SND1: variants seen among roughly 807,000 people sequenced by gnomAD.
SND1 encodes staphylococcal nuclease and tudor domain containing 1.
A neutral mutation model predicts 121.7 loss-of-function variants in SND1; 38 were observed. That is an observed-to-expected ratio of 0.31 (90% CI 0.24 to 0.41). The LOEUF (loss-of-function observed/expected upper bound fraction) is 0.41. Among genes scored for constraint, SND1 ranks in the 10% least tolerant of loss-of-function variants. SND1 has a pLI of 1.00. For synonymous variants in SND1, 401 were observed against 447.4 expected (o/e 0.90, Z 1.31); for missense variants, 868 against 1,184.6 (o/e 0.73, Z 3.92).
chr7:127,680,024 A>C (rs1297205599), intron 1 of SND1, among the ~76,000 whole-genome samples: 1 of 152,184 alleles, frequency 6.6e-6, no homozygotes, highest in East Asian at 1.9e-4. Context: ...GGTTTGAGAA[A>C]TAAAGGGACA....
chr7:127,653,047 G>A (rs1795149852), intron 1 of SND1, among the ~76,000 whole-genome samples: 1 of 152,086 alleles, frequency 6.6e-6, no homozygotes. Flanking sequence ...TTGTTCTCCC[G>A]TCCCTTAAAG....
intron 14 of SND1, among the ~76,000 whole-genome samples, chr7:127,912,734 G>A (rs1360447112): frequency 1.3e-5 from 2 of 152,104 alleles, no homozygotes; most frequent in Non-Finnish European, 2.9e-5. Context: ...TCTTTTAACA[G>A]GGGAAACAAT....
chr7:127,719,735 C>A (rs1429956966), intron 9 of SND1, among the ~76,000 whole-genome samples: 2 of 152,164 alleles, frequency 1.3e-5, no homozygotes, highest in Non-Finnish European at 2.9e-5. Flanking sequence ...CATTACTTTT[C>A]TGATTGCTGG....
chr7:128,069,549 A>G (rs1388698503), intron 16 of SND1, among the ~76,000 whole-genome samples: 2 of 152,194 alleles, frequency 1.3e-5, no homozygotes, highest in East Asian at 1.9e-4. Flanking sequence ...GAAATTTCAC[A>G]GTCTGGAACA....
chr7:127,783,508 T>C (rs1312724190), intron 10 of SND1, among the ~76,000 whole-genome samples: 1 of 152,206 alleles, frequency 6.6e-6, no homozygotes, highest in Non-Finnish European at 1.5e-5. Context: ...CCTTCCACTT[T>C]AGCTTTTATC....
intron 16 of SND1, among the ~76,000 whole-genome samples, chr7:128,000,925 C>T (rs1235803428): frequency 3.3e-5 from 5 of 152,266 alleles, no homozygotes; most frequent in Admixed American, 2.6e-4. Flanking sequence ...ACATGTGACT[C>T]GCCCAAGGAC....
intron 10 of SND1, among the ~76,000 whole-genome samples, chr7:127,804,173 T>A (rs552707426): frequency 1.3e-5 from 2 of 152,314 alleles, no homozygotes; most frequent in South Asian, 4.1e-4. Context: ...ACCTGGTAAT[T>A]TGCAGGAATT....
intron 12 of SND1, among the ~76,000 whole-genome samples, chr7:127,865,795 T>A (rs78193846): frequency 6.6e-6 from 1 of 151,544 alleles, no homozygotes; most frequent in Non-Finnish European, 1.5e-5. Flanking sequence ...TTTTTTTTTT[T>A]AATAGAGACA....
At chr7:127,716,989 T>C (rs543993675) in intron 9 of SND1, among the ~76,000 whole-genome samples, 40 of 152,348 alleles carry the variant, frequency 2.6e-4, no homozygotes, top group African/African-American at 8.9e-4. Flanking sequence ...ACCAGTGTGC[T>C]GATAAGAAAA....
At chr7:128,075,048 T>C (rs1486701314) in intron 17 of SND1, among the ~76,000 whole-genome samples, 1 of 152,240 alleles carries the variant, frequency 6.6e-6, no homozygotes, top group Non-Finnish European at 1.5e-5. Flanking sequence ...CCCTTCTCTG[T>C]CAGTGCCCTC....
At chr7:127,734,821 A>G (rs978889209) in intron 10 of SND1, among the ~76,000 whole-genome samples, 15 of 152,232 alleles carry the variant, frequency 9.9e-5, no homozygotes, top group Admixed American at 2.0e-4. Context: ...AGGATGAGAA[A>G]TGCTGTCTGT....
intron 1 of SND1, among the ~76,000 whole-genome samples, chr7:127,674,859 T>G (rs965382358): frequency 3.3e-5 from 5 of 152,226 alleles, no homozygotes; most frequent in Non-Finnish European, 7.3e-5. Context: ...TAAAGTACTT[T>G]TAAAAATGAT....
At chr7:127,806,275 C>G (rs1187035011) in intron 10 of SND1, among the ~76,000 whole-genome samples, 1 of 152,142 alleles carries the variant, frequency 6.6e-6, no homozygotes, top group African/African-American at 2.4e-5. Flanking sequence ...ATTGTCAGTT[C>G]CCGTTAATTC....
intron 9 of SND1, among the ~76,000 whole-genome samples, chr7:127,711,183 A>C (rs890507971): frequency 6.6e-6 from 1 of 152,064 alleles, no homozygotes; most frequent in African/African-American, 2.4e-5. Context: ...GTCCTGAGGG[A>C]TTTCTTTGCC....
intron 16 of SND1, among the ~76,000 whole-genome samples, chr7:128,014,504 C>T (rs921983640): frequency 7.9e-5 from 12 of 152,210 alleles, no homozygotes; most frequent in African/African-American, 2.4e-4. Flanking sequence ...ACTTGTCCCC[C>T]GAACAGTCCA....
chr7:127,692,323 G>A (rs1795934632), intron 2 of SND1, among the ~76,000 whole-genome samples: 3 of 152,210 alleles, frequency 2.0e-5, no homozygotes, highest in African/African-American at 7.2e-5. Context: ...AAAGGAAAGA[G>A]TAATTTTGAG....
intron 2 of SND1, among the ~76,000 whole-genome samples, chr7:127,689,632 G>A (rs1795876771): frequency 6.6e-6 from 1 of 152,136 alleles, no homozygotes; most frequent in African/African-American, 2.4e-5. Context: ...TAGCATTCTG[G>A]TGTAGTTCCA....
At chr7:127,830,839 G>A (rs1357460264) in intron 11 of SND1, among the ~76,000 whole-genome samples, 9 of 152,100 alleles carry the variant, frequency 5.9e-5, no homozygotes. Context: ...CTGTCTAGGA[G>A]TAGATAACAA....
chr7:127,792,857 AAGT>A (rs1454550831), intron 10 of SND1, among the ~76,000 whole-genome samples: 1 of 152,248 alleles, frequency 6.6e-6, no homozygotes, highest in African/African-American at 2.4e-5. Flanking sequence ...TGGGAGGAAG[AAGT>A]AGTGCTCTGG....
Sources: allele counts gnomAD v4.1 joint callset (sites outside exome capture counted in the v4.1 genomes callset), GRCh38; gene constraint gnomAD v4.1.1; transcripts MANE v1.5; gene names NCBI Gene and HGNC (gene_info 2026-07-23, HGNC 2026-07-21).